The following AP2A1 variants were observed in gnomAD, a reference collection of about 807,000 sequenced individuals.
AP2A1 encodes the protein AP-2 complex subunit alpha-1.
Under a neutral mutation model 107.3 loss-of-function variants are expected in AP2A1, and 21 were observed. The ratio of observed to expected loss-of-function variants is 0.20; its 90% CI spans 0.14 to 0.28. The LOEUF is 0.28. Ranked by LOEUF, AP2A1 falls within the 10% of genes least tolerant of loss-of-function variation. The pLI, the probability that AP2A1 is intolerant of heterozygous loss-of-function variation, is 1.00. For missense variants in AP2A1, 873 were observed against 1,307.7 expected, an observed-to-expected ratio of 0.67 and a Z score of 5.13; for synonymous variants, 602 against 564.8, an observed-to-expected ratio of 1.07 and a Z score of -0.93.
intron 1 of AP2A1, among the ~76,000 whole-genome samples, chr19:49,779,968 G>T (rs10421559): frequency 1.3e-5 from 2 of 152,244 alleles, no homozygotes; most frequent in Admixed American, 1.3e-4. Flanking sequence ...AGCTTCCATA[G>T]AAGTTGGGAG....
intron 1 of AP2A1, among the ~76,000 whole-genome samples, chr19:49,772,229 T>C (rs1175794996): frequency 6.6e-6 from 1 of 151,468 alleles, no homozygotes; most frequent in African/African-American, 2.4e-5. Flanking sequence ...AGCAAATTTT[T>C]TTGTATTTTT....
At position 49,782,108 on chromosome 19, in the gene AP2A1, G is replaced by C. The variant is rs1443790955; in HGVS notation, c.279+19G>C. ...GCAAATAGTGAGTCTGGAGAGGGGG[G>C]TGCCAGGGCCTGGACTCCTGGGTCT... On this transcript the variant is annotated intron_variant, in intron 3 of 22. Transcript: ENST00000354293. 2 of 1,545,794 alleles carry C rather than the reference G, an allele frequency of 1.3e-6. No homozygotes were observed. Among genetic ancestry groups the C allele is most frequent in the East Asian group, 2.5e-5 (1 of 40,744 alleles).
At chr19:49,795,300 C>T (rs1375715950) in intron 6 of AP2A1, among the ~76,000 whole-genome samples, 2 of 152,196 alleles carry the variant, frequency 1.3e-5, no homozygotes, top group East Asian at 1.9e-4. Context: ...TAGTTTTGCC[C>T]CCATTCAGTG....
chr19:49,768,489 C>G (rs1439993447), intron 1 of AP2A1, among the ~76,000 whole-genome samples: 2 of 152,164 alleles, frequency 1.3e-5, no homozygotes, highest in Non-Finnish European at 2.9e-5. Context: ...TCAGGCCTTT[C>G]ACTCGTTCCA....
chr19:49,777,294 G>GTA (rs988845161), intron 1 of AP2A1, among the ~76,000 whole-genome samples: 8 of 151,724 alleles, frequency 5.3e-5, no homozygotes, highest in Non-Finnish European at 7.4e-5. Flanking sequence ...ATGCATATTT[G>GTA]TATATATATG....
In AP2A1 at chr19:49,806,978, C is replaced by G. The variant is rs1212118149; in HGVS notation, c.*220C>G. On this transcript the variant is annotated 3_prime_UTR_variant, in exon 23 of 23. Coordinates refer to ENST00000354293, the MANE Select transcript of AP2A1 (RefSeq NM_130787.3). ...GAGTCCCCCTCCCTCCCTTTCCCCC[C>G]CAAGCACAGAGGGGAGAGGGGCCAG... The G allele has an allele frequency of 3.3e-6, 5 of 1,530,528 alleles. No individual in the cohort carries two copies. Among genetic ancestry groups the G allele is most frequent in the East Asian group, 4.9e-5 (2 of 40,740 alleles). The allele number at this position is 1,530,528 out of a possible 1,614,324, so 94.8% of individuals were successfully genotyped here.
At chr19:49,803,514 G>C (rs1000637668) in intron 18 of AP2A1, 138 bp downstream of exon 18, 1 of 712,684 alleles carries the variant, frequency 1.4e-6, no homozygotes, top group African/African-American at 1.7e-5. Context: ...TTGAGTGTCT[G>C]CATCTGTTAA....
rs199550216 is a variant in AP2A1 at position 49,787,347 on chromosome 19, G to GTTTTTTTTTTTTTTTTTTTTTTT, written c.474-4582_474-4581insTTTTTTTTTTTTTTTTTTTTTTT. On this transcript the variant is annotated intron_variant, in intron 4 of 22. Transcript: ENST00000354293. ...TAGGCTTTTTTTGTTTGTTTTTTTT[G>GTTTTTTTTTTTTTTTTTTTTTTT]TTTTTTGTTTTTTTTTTTTTGAGGC... Among the ~76,000 whole-genome samples the GTTTTTTTTTTTTTTTTTTTTTTT allele has an allele frequency of 5.2e-5, 5 of 96,182 alleles. 1 individual carries two copies. Among genetic ancestry groups the GTTTTTTTTTTTTTTTTTTTTTTT allele is most frequent in the African/African-American group, 1.8e-4 (4 of 22,454 alleles). The allele number at this position is 96,182 out of a possible 152,430, so 63.1% of individuals were successfully genotyped here. A position where few individuals can be genotyped will look rare whatever the true frequency, so the allele number is the denominator to read the frequency against.
chr19:49,778,885 C>T (rs536410139), intron 1 of AP2A1, among the ~76,000 whole-genome samples: 64 of 134,678 alleles, frequency 4.8e-4, no homozygotes, highest in African/African-American at 1.4e-3. Flanking sequence ...TGTATATATA[C>T]GTATTTATGA....
At chr19:49,793,241 T>C (rs1293139750) in intron 6 of AP2A1, 149 bp downstream of exon 6, 1 of 796,934 alleles carries the variant, frequency 1.3e-6, no homozygotes, top group Non-Finnish European at 2.0e-6. Context: ...TGGCTCGGCC[T>C]CTTCCTGGCT....
chr19:49,771,040 C>T (rs2084550925), intron 1 of AP2A1, among the ~76,000 whole-genome samples: 1 of 151,724 alleles, frequency 6.6e-6, no homozygotes, highest in Non-Finnish European at 1.5e-5. Context: ...TTAGTAGAGA[C>T]GGGGTTTTTA....
At position 49,767,181 on chromosome 19, in the gene AP2A1, C is replaced by T; in HGVS notation, c.48C>T (p.Phe16=). Residue 16 remains phenylalanine, a synonymous_variant, in exon 1 of 23, where the codon TTC becomes TTT. Coordinates refer to ENST00000354293, the MANE Select transcript of AP2A1 (RefSeq NM_130787.3). ...KGDGMRGLAV[F]ISDIRNCKSK... is the part of the protein sequence containing the mutation. ...ATGGGATGCGGGGGCTCGCGGTGTTCATCTCCGACATCCGGAACTGTGAGC... is the reference window on the plus strand; with the variant it reads ...ATGGGATGCGGGGGCTCGCGGTGTTTATCTCCGACATCCGGAACTGTGAGC... 2.5e-6 allele frequency: 4 copies of T among 1,611,916 alleles called. 1 individual carries two copies. In the South Asian group the frequency reaches 3.3e-5, roughly 13 times the overall value.
intron 7 of AP2A1, chr19:49,796,005 G>A (rs1005843856): frequency 8.6e-6 from 4 of 464,508 alleles, no homozygotes; most frequent in African/African-American, 3.9e-5. Context: ...CTGTTGCGAG[G>A]GACTGTTAAC....
rs563465440 is a variant in AP2A1 at position 49,774,900 on chromosome 19, CAGAG to C, written c.68-6851_68-6848del. 1.1e-4 allele frequency among the ~76,000 whole-genome samples: 14 copies of C among 130,136 alleles called. No homozygotes were observed. In the East Asian group the frequency reaches 3.2e-3, roughly 30 times the overall value. The allele number at this position is 130,136 out of a possible 152,430, so 85.4% of individuals were successfully genotyped here. Reference sequence around the variant, plus strand: ...TGCCACTGCGCTCCAGCCTGGGTGACAGAGAGAGACTTTGTCTCAAAAAAAAAAA... The same window carrying C: ...TGCCACTGCGCTCCAGCCTGGGTGACAGAGACTTTGTCTCAAAAAAAAAAA... On this transcript the variant is annotated intron_variant, in intron 1 of 22. Coordinates refer to ENST00000354293, the MANE Select transcript of AP2A1 (RefSeq NM_130787.3).
chr19:49,793,584 A>G (rs1489530440), intron 6 of AP2A1, among the ~76,000 whole-genome samples: 5 of 152,064 alleles, frequency 3.3e-5, no homozygotes, highest in Non-Finnish European at 7.4e-5. Flanking sequence ...GCCAGGCTCC[A>G]TGTCGGGTGA....
intron 4 of AP2A1, among the ~76,000 whole-genome samples, chr19:49,783,553 A>G (rs1404046984): frequency 3.9e-5 from 6 of 152,196 alleles, no homozygotes; most frequent in Non-Finnish European, 4.4e-5. Context: ...AACTGTCAAT[A>G]TTGGATAAAA....
intron 1 of AP2A1, among the ~76,000 whole-genome samples, chr19:49,768,174 T>C (rs1433605121): frequency 6.6e-6 from 1 of 151,958 alleles, no homozygotes. Flanking sequence ...TCTGAGCCCT[T>C]TTCTATTTGA....
At chr19:49,768,891 C>A (rs559709492) in intron 1 of AP2A1, among the ~76,000 whole-genome samples, 32 of 152,276 alleles carry the variant, frequency 2.1e-4, no homozygotes, top group Admixed American at 1.9e-3. Context: ...TTGACAAATA[C>A]TTTTTGATTG....
rs967484059 is a variant in AP2A1 at position 49,803,494 on chromosome 19, T to G, written c.2344+118T>G. 1.3e-5 allele frequency: 10 copies of G among 779,936 alleles called. No homozygotes were observed. In the Admixed American group the frequency reaches 1.8e-4, roughly 14 times the overall value. 48.3% of individuals were successfully genotyped at this position (779,936 alleles called of 1,614,324 possible). The stretch of plus-strand genomic sequence containing the variant: ...CAGCCTCTCTTGGGCACGCAATTAG[T>G]TCTCTGAGATTGAGTGTCTGCATCT... On this transcript the variant is annotated intron_variant, in intron 18 of 22. Transcript: ENST00000354293.
Sources: gnomAD v4.1 joint callset for allele counts (sites outside exome capture counted in the v4.1 genomes callset) on GRCh38, gnomAD v4.1.1 for gene constraint, MANE v1.5 for transcripts, NCBI Gene and HGNC (gene_info 2026-07-23, HGNC 2026-07-21) for gene names.